TMTC2: variants seen among roughly 807,000 people sequenced by gnomAD.
TMTC2 encodes the protein transmembrane O-mannosyltransferase targeting cadherins 2, also known as protein O-mannosyl-transferase TMTC2.
A neutral mutation model predicts 82.4 loss-of-function variants in TMTC2; 43 were observed. That is an observed-to-expected ratio of 0.52 (90% CI 0.41 to 0.67). The LOEUF (loss-of-function observed/expected upper bound fraction) is 0.67. Ranked by LOEUF, TMTC2 falls within the 30% of genes least tolerant of loss-of-function variation. TMTC2 has a pLI of 0.00. For missense variants in TMTC2, 919 were observed against 1,012.4 expected (o/e 0.91, Z 1.25); for synonymous variants, 408 against 381.9 (o/e 1.07, Z -0.80).
intron 4 of TMTC2, among the ~76,000 whole-genome samples, chr12:82,945,949 AT>A (rs1255562846): frequency 6.6e-6 from 1 of 152,106 alleles, no homozygotes; most frequent in African/African-American, 2.4e-5. Flanking sequence ...TCTGCTGCTT[AT>A]TTTTTCTTAC....
chr12:83,112,104 T>TA (rs1220171924), intron 11 of TMTC2, among the ~76,000 whole-genome samples: 5 of 152,012 alleles, frequency 3.3e-5, no homozygotes, highest in African/African-American at 7.2e-5. Flanking sequence ...AGACCCTGTC[T>TA]AAAAAAAAGA....
chr12:83,015,995 G>A (rs950273027), intron 8 of TMTC2, among the ~76,000 whole-genome samples: 3 of 152,152 alleles, frequency 2.0e-5, no homozygotes, highest in Admixed American at 2.0e-4. Flanking sequence ...AATGAGTATT[G>A]CTTACTAAAC....
At chr12:82,781,566 G>A (rs1277387282) in intron 1 of TMTC2, among the ~76,000 whole-genome samples, 1 of 151,870 alleles carries the variant, frequency 6.6e-6, no homozygotes, top group African/African-American at 2.4e-5. Context: ...TTGCCATTGC[G>A]ATGTTCTTAG....
At chr12:82,868,146 A>T (rs550251430) in intron 2 of TMTC2, among the ~76,000 whole-genome samples, 5 of 152,346 alleles carry the variant, frequency 3.3e-5, no homozygotes, top group South Asian at 4.1e-4. Flanking sequence ...CCTGTCTTAT[A>T]GCAGGTATCA....
intron 11 of TMTC2, among the ~76,000 whole-genome samples, chr12:83,077,676 G>A (rs572334631): frequency 3.0e-4 from 45 of 152,064 alleles, no homozygotes; most frequent in African/African-American, 1.0e-3. Flanking sequence ...CCGAGTTCAA[G>A]CGATTCTCCT....
rs1565707930 is a variant in TMTC2, at chr12:82,686,974, GGGC to G, written c.-612_-610del. On this transcript the variant is annotated 5_prime_UTR_variant, in exon 1 of 12. Transcript: ENST00000321196. ...CTCACTTCACTGGAGAAGGGAGCTGGGGCTGGGGCTGGGGCTGGGGCTGGGAGG... is the reference window on the plus strand; with the variant it reads ...CTCACTTCACTGGAGAAGGGAGCTGGTGGGGCTGGGGCTGGGGCTGGGAGG... The G allele has an allele frequency of 2.5e-5, 3 of 120,994 alleles. No individual in the cohort carries two copies. The highest frequency in any genetic ancestry group is 6.3e-5 in the Non-Finnish European group (3 of 47,688). The allele number at this position is 120,994 out of a possible 1,614,324, so 7.5% of individuals were successfully genotyped here.
At chr12:83,004,734 T>A (rs972629296) in intron 8 of TMTC2, among the ~76,000 whole-genome samples, 1 of 48,558 alleles carries the variant, frequency 2.1e-5, no homozygotes, top group Non-Finnish European at 3.7e-5. Flanking sequence ...TTTTTTTTTT[T>A]TTTTTTTTTT....
chr12:82,960,053 A>G (rs1265115534), intron 4 of TMTC2, among the ~76,000 whole-genome samples: 2 of 152,154 alleles, frequency 1.3e-5, no homozygotes, highest in Non-Finnish European at 2.9e-5. Flanking sequence ...AAAGCTGCCA[A>G]CAAACATAAA....
chr12:82,920,671 A>G (rs1247142120), intron 3 of TMTC2, among the ~76,000 whole-genome samples: 1 of 152,132 alleles, frequency 6.6e-6, no homozygotes, highest in Non-Finnish European at 1.5e-5. Flanking sequence ...TTATTTTTGA[A>G]TATAAAATAA....
chr12:82,822,207 A>G (rs1869156019), intron 1 of TMTC2, among the ~76,000 whole-genome samples: 1 of 152,182 alleles, frequency 6.6e-6, no homozygotes, highest in Non-Finnish European at 1.5e-5. Flanking sequence ...GGGCAGTGGA[A>G]CTACTCTGTG....
chr12:82,995,793 CTTTG>C (rs946279312), intron 8 of TMTC2, among the ~76,000 whole-genome samples: 2 of 152,006 alleles, frequency 1.3e-5, no homozygotes, highest in Admixed American at 6.6e-5. Flanking sequence ...ATTTAAATTG[CTTTG>C]TTTGTTTGTT....
At chr12:82,897,525 G>C (rs1873744839) in intron 3 of TMTC2, among the ~76,000 whole-genome samples, 1 of 152,006 alleles carries the variant, frequency 6.6e-6, no homozygotes, top group South Asian at 2.1e-4. Flanking sequence ...TTCTTCATAA[G>C]CCATTTTTAT....
At chr12:83,117,512 A>G (rs150805120) in intron 11 of TMTC2, among the ~76,000 whole-genome samples, 2 of 152,188 alleles carry the variant, frequency 1.3e-5, no homozygotes, top group African/African-American at 2.4e-5. Context: ...TCATTGATCT[A>G]TGTGCCTATT....
chr12:82,905,696 G>A (rs1256121434), intron 3 of TMTC2, among the ~76,000 whole-genome samples: 1 of 152,134 alleles, frequency 6.6e-6, no homozygotes, highest in African/African-American at 2.4e-5. Context: ...TGTAATCCCA[G>A]CACTTTGGGA....
chr12:82,699,513 T>C (rs2136896420), intron 1 of TMTC2, among the ~76,000 whole-genome samples: 1 of 152,264 alleles, frequency 6.6e-6, no homozygotes, highest in South Asian at 2.1e-4. Flanking sequence ...CCTTTTTCTT[T>C]TTGGAATACG....
At chr12:82,771,816 A>G (rs1201535838) in intron 1 of TMTC2, among the ~76,000 whole-genome samples, 2 of 152,214 alleles carry the variant, frequency 1.3e-5, no homozygotes, top group East Asian at 3.9e-4. Context: ...GGGGAGGGGA[A>G]GTAGGTAGGA....
At chr12:83,102,503 A>T (rs1213438309) in intron 11 of TMTC2, among the ~76,000 whole-genome samples, 1 of 152,214 alleles carries the variant, frequency 6.6e-6, no homozygotes, top group Non-Finnish European at 1.5e-5. Flanking sequence ...TCAGAAAGGG[A>T]TTATATCAAA....
At chr12:83,025,878 G>A (rs553339490) in intron 8 of TMTC2, among the ~76,000 whole-genome samples, 7 of 152,308 alleles carry the variant, frequency 4.6e-5, no homozygotes, top group African/African-American at 1.7e-4. Flanking sequence ...ACTTGGGGAG[G>A]TTTGGAAACA....
chr12:82,882,875 G>A (rs1040165238), intron 2 of TMTC2, among the ~76,000 whole-genome samples: 1 of 151,970 alleles, frequency 6.6e-6, no homozygotes, highest in East Asian at 1.9e-4. Context: ...GATCAACATC[G>A]TGAAACCCTG....
Sources: gnomAD v4.1 joint callset for allele counts (sites outside exome capture counted in the v4.1 genomes callset) on GRCh38, gnomAD v4.1.1 for gene constraint, MANE v1.5 for transcripts, NCBI Gene and HGNC (gene_info 2026-07-23, HGNC 2026-07-21) for gene names.